The following GALNT14 variants were observed in gnomAD, a reference collection of about 807,000 sequenced individuals.
GALNT14 encodes the protein UDP-GalNAc:polypeptide N-acetylgalactosaminyltransferase 14.
Under a neutral mutation model 77.5 loss-of-function variants are expected in GALNT14, and 60 were observed. That is an observed-to-expected ratio of 0.77 (90% CI 0.63 to 0.96). The LOEUF is 0.96. Among genes scored for constraint, GALNT14 ranks in the 40% least tolerant of loss-of-function variants. The pLI is 0.00. For synonymous variants in GALNT14, 280 were observed against 281.7 expected, an observed-to-expected ratio of 0.99 and a Z score of 0.06; for missense variants, 710 against 731.0, an observed-to-expected ratio of 0.97 and a Z score of 0.33.
the GALNT14 span, among the ~76,000 whole-genome samples, chr2:30,900,015 T>G: frequency 6.6e-6 from 1 of 152,354 alleles, no homozygotes; most frequent in East Asian, 1.9e-4. Flanking sequence ...TAGGGCAGGA[T>G]GATGGCTCAG....
chr2:30,987,331 T>C (rs1490280878), intron 2 of GALNT14, among the ~76,000 whole-genome samples: 3 of 152,130 alleles, frequency 2.0e-5, no homozygotes, highest in Non-Finnish European at 2.9e-5. Flanking sequence ...TGCGAAGCTG[T>C]AGAACTTACC....
At chr2:31,033,722 C>T (rs1558510523) in intron 1 of GALNT14, among the ~76,000 whole-genome samples, 1 of 152,118 alleles carries the variant, frequency 6.6e-6, no homozygotes, top group African/African-American at 2.4e-5. Context: ...CATCCTATCC[C>T]CAGCCCATTC....
At chr2:31,116,365 TA>T (rs541926390) in intron 1 of GALNT14, among the ~76,000 whole-genome samples, 303 of 152,070 alleles carry the variant, frequency 2.0e-3, no homozygotes, top group African/African-American at 7.0e-3. Flanking sequence ...TATTGAAAAA[TA>T]AAAATATGTA....
chr2:30,935,587 T>C (rs1229444803), intron 9 of GALNT14, among the ~76,000 whole-genome samples: 1 of 152,150 alleles, frequency 6.6e-6, no homozygotes, highest in East Asian at 1.9e-4. Flanking sequence ...GCTGCCAGAG[T>C]CAAGAGGCAG....
At chr2:30,979,807 C>T (rs1209663012) in intron 2 of GALNT14, among the ~76,000 whole-genome samples, 1 of 152,118 alleles carries the variant, frequency 6.6e-6, no homozygotes, top group African/African-American at 2.4e-5. Context: ...CTGTGTCTGC[C>T]ACCCTCGGCT....
Position 30,912,345 on chromosome 2 carries a change from G to T in GALNT14, c.1381-3C>A. On this transcript the variant is annotated splice_region_variant and splice_polypyrimidine_tract_variant and intron_variant, in intron 13 of 14. Transcript: ENST00000349752. Reference sequence around the variant, plus strand: ...TGGGTGTATGTGAAGGCCCATACCTGGGGAGAAAGAGACCAGGAAGGTTTG... The same window carrying T: ...TGGGTGTATGTGAAGGCCCATACCTTGGGAGAAAGAGACCAGGAAGGTTTG... The T allele has an allele frequency of 6.2e-7, 1 of 1,613,634 alleles. No homozygotes were observed. The highest frequency in any genetic ancestry group is 8.5e-7 in the Non-Finnish European group (1 of 1,179,846).
intron 1 of GALNT14, among the ~76,000 whole-genome samples, chr2:31,043,659 AT>A (rs35691588): frequency 0.3 from 44,392 of 149,484 alleles, 7,003 homozygotes; most frequent in East Asian, 0.45. Flanking sequence ...GGATCAGGTG[AT>A]TTTTTTTTTT....
chr2:30,945,361 TG>T (rs1287160406), intron 7 of GALNT14, among the ~76,000 whole-genome samples: 4 of 152,180 alleles, frequency 2.6e-5, no homozygotes, highest in African/African-American at 9.6e-5. Context: ...GGGGCAACAG[TG>T]GGCCCTATGT....
intron 1 of GALNT14, among the ~76,000 whole-genome samples, chr2:31,092,234 T>G (rs1041382434): frequency 6.6e-6 from 1 of 151,134 alleles, no homozygotes; most frequent in African/African-American, 2.4e-5. Flanking sequence ...TGTGATCATG[T>G]GAGCCAATTT....
chr2:30,965,755 T>C (rs1371776709), intron 3 of GALNT14, among the ~76,000 whole-genome samples: 1 of 152,140 alleles, frequency 6.6e-6, no homozygotes, highest in African/African-American at 2.4e-5. Flanking sequence ...CCGTTCTGAT[T>C]TGCATGGCCC....
chr2:31,071,393 T>C (rs1202278468), intron 1 of GALNT14, among the ~76,000 whole-genome samples: 2 of 152,300 alleles, frequency 1.3e-5, no homozygotes, highest in East Asian at 1.9e-4. Context: ...CAGAGGATAA[T>C]GGAGAGCCAG....
At chr2:31,072,263 TCACACA>T (rs544087870) in intron 1 of GALNT14, among the ~76,000 whole-genome samples, 1 of 80,278 alleles carries the variant, frequency 1.2e-5, no homozygotes, top group South Asian at 3.4e-4. Context: ...TCTCTCTCTC[TCACACA>T]CACACACACA....
At chr2:30,914,689 C>CA (rs1318447288) in intron 13 of GALNT14, among the ~76,000 whole-genome samples, 16 of 152,328 alleles carry the variant, frequency 1.1e-4, no homozygotes, top group African/African-American at 3.8e-4. Context: ...CATATCCAAG[C>CA]TGAGTCATTC....
intron 2 of GALNT14, among the ~76,000 whole-genome samples, chr2:30,982,972 C>T (rs1257325103): frequency 6.6e-6 from 1 of 152,192 alleles, no homozygotes; most frequent in Non-Finnish European, 1.5e-5. Context: ...CTCCACCCCT[C>T]CTGTGTTCCC....
intron 1 of GALNT14, among the ~76,000 whole-genome samples, chr2:31,056,403 G>C (rs1470116447): frequency 6.6e-6 from 1 of 152,182 alleles, no homozygotes. Context: ...GATGCAGAAA[G>C]AGCCAAAAAC....
intron 1 of GALNT14, among the ~76,000 whole-genome samples, chr2:31,124,442 G>A (rs192340477): frequency 6.6e-6 from 1 of 152,310 alleles, no homozygotes; most frequent in East Asian, 1.9e-4. Context: ...GCGTTGTTCT[G>A]TAAGGTTGGA....
At position 30,997,509 on chromosome 2, in the gene GALNT14, C is replaced by A. The variant is rs77361235; in HGVS notation, c.130-4502G>T. Among the ~76,000 whole-genome samples the A allele has an allele frequency of 6.1e-3, 928 of 152,302 alleles. 6 individuals are homozygous for A. Among genetic ancestry groups the A allele is most frequent in the African/African-American group, 0.021 (877 of 41,568 alleles). On this transcript the variant is annotated intron_variant, in intron 1 of 14. Coordinates refer to ENST00000349752, the MANE Select transcript of GALNT14 (RefSeq NM_024572.4). Reference sequence around the variant, plus strand: ...TCCCGGGAAAACAAGAACAAATACCCAGGAGCTCCCAAAGGGCTCCACTCA... The same window carrying A: ...TCCCGGGAAAACAAGAACAAATACCAAGGAGCTCCCAAAGGGCTCCACTCA...
At chr2:31,069,640 T>C (rs1675216363) in intron 1 of GALNT14, among the ~76,000 whole-genome samples, 1 of 152,196 alleles carries the variant, frequency 6.6e-6, no homozygotes, top group Non-Finnish European at 1.5e-5. Flanking sequence ...CCTTCATTTA[T>C]GGCAACTCAG....
At chr2:30,974,037 AC>A (rs1668504993) in intron 2 of GALNT14, among the ~76,000 whole-genome samples, 1 of 151,980 alleles carries the variant, frequency 6.6e-6, no homozygotes, top group South Asian at 2.1e-4. Context: ...ACCTCCTTTA[AC>A]CTCTAACACT....
Sources: allele counts gnomAD v4.1 joint callset (sites outside exome capture counted in the v4.1 genomes callset), GRCh38; gene constraint gnomAD v4.1.1; transcripts MANE v1.5; gene names NCBI Gene and HGNC (gene_info 2026-07-23, HGNC 2026-07-21).